The following REPS1 variants were observed in gnomAD, a reference collection of about 807,000 sequenced individuals.
REPS1 encodes the protein RALBP1 associated Eps domain containing 1.
REPS1 carries 39 observed loss-of-function variants against 100.9 expected under a neutral mutation model. The observed-to-expected ratio is 0.39, with a 90% CI of 0.30 to 0.50. The LOEUF (loss-of-function observed/expected upper bound fraction) is 0.50, where lower values mean the gene tolerates loss of function less well. Ranked by LOEUF, REPS1 falls within the 20% of genes least tolerant of loss-of-function variation. The pLI is 0.86. For synonymous variants in REPS1, 324 were observed against 340.3 expected, an observed-to-expected ratio of 0.95 and a Z score of 0.53; for missense variants, 821 against 968.5, an observed-to-expected ratio of 0.85 and a Z score of 2.02.
intron 1 of REPS1, among the ~76,000 whole-genome samples, chr6:138,950,048 A>G (rs1281785259): frequency 2.0e-5 from 3 of 152,228 alleles, no homozygotes; most frequent in Non-Finnish European, 4.4e-5. Context: ...TGCTAGACTT[A>G]GAAAAAAGGT....
chr6:138,964,034 C>G (rs1408103384), intron 1 of REPS1, among the ~76,000 whole-genome samples: 1 of 152,164 alleles, frequency 6.6e-6, no homozygotes, highest in Non-Finnish European at 1.5e-5. Flanking sequence ...TATATTAGAG[C>G]AAATAGCTCA....
rs757836238 is a variant in REPS1, at chr6:138,941,459, T to C, written c.1011A>G (p.Ala337=). The change falls in exon 8 of 20, where the codon GCA becomes GCG. Residue 337 remains alanine, a synonymous_variant. Coordinates refer to ENST00000450536, the MANE Select transcript of REPS1 (RefSeq NM_001286611.2). ...WELSDFDKDG[A]LTLDEFCAAF... ...CAGCACAAAACTCATCCAGTGTCAA[T>C]GCACCATCTTTATCAAAGTCTGAGA... 2 of 1,614,010 alleles carry C rather than the reference T, an allele frequency of 1.2e-6. No individual in the cohort carries two copies. The highest frequency in any genetic ancestry group is 2.2e-5 in the South Asian group (2 of 91,072).
chr6:138,961,249 C>G (rs1317441331), intron 1 of REPS1, among the ~76,000 whole-genome samples: 1 of 152,112 alleles, frequency 6.6e-6, no homozygotes, highest in East Asian at 1.9e-4. Context: ...TTTTTTATTG[C>G]TACTCAAAGG....
chr6:138,943,398 C>A (rs1782392385), intron 7 of REPS1, 115 bp downstream of exon 7: 6 of 594,366 alleles, frequency 1.0e-5, no homozygotes, highest in African/African-American at 1.8e-5. Context: ...ATACTGAGTT[C>A]TTTGACAGCA....
chr6:138,930,955 A>G (rs923577017), intron 8 of REPS1, among the ~76,000 whole-genome samples: 6 of 152,212 alleles, frequency 3.9e-5, no homozygotes, highest in Non-Finnish European at 7.3e-5. Context: ...TTAATTTAAA[A>G]TAACTCTAAA....
At chr6:138,907,732 C>T in intron 18 of REPS1, 132 bp from the exon 19 acceptor site, 1 of 595,158 alleles carries the variant, frequency 1.7e-6, no homozygotes, top group Non-Finnish European at 3.0e-6. Context: ...CACAGCTCAA[C>T]CTCACTTGCT....
At chr6:138,961,130 T>A (rs1447021748) in intron 1 of REPS1, among the ~76,000 whole-genome samples, 1 of 152,198 alleles carries the variant, frequency 6.6e-6, no homozygotes, top group Non-Finnish European at 1.5e-5. Context: ...TTTAAGTACT[T>A]CTCAAGATAG....
chr6:138,923,021 G>C (rs1780880931), intron 10 of REPS1, among the ~76,000 whole-genome samples: 1 of 152,070 alleles, frequency 6.6e-6, no homozygotes, highest in Admixed American at 6.5e-5. Flanking sequence ...CTACACCACA[G>C]AGAATCTGGA....
intron 10 of REPS1, among the ~76,000 whole-genome samples, chr6:138,922,784 A>G (rs1780864283): frequency 6.6e-6 from 1 of 152,254 alleles, no homozygotes. Flanking sequence ...AATTAAGTTT[A>G]TAATTTAGTG....
intron 1 of REPS1, among the ~76,000 whole-genome samples, chr6:138,983,759 C>T (rs1243689241): frequency 6.6e-6 from 1 of 152,154 alleles, no homozygotes; most frequent in Non-Finnish European, 1.5e-5. Flanking sequence ...TCTCCCGTCC[C>T]TAAACACTTA....
At position 138,955,457 on chromosome 6, in the gene REPS1, A is replaced by AAGT. The variant is rs10689184; in HGVS notation, c.154-7545_154-7544insACT. Among the ~76,000 whole-genome samples the AAGT allele has an allele frequency of 3.8e-3, 347 of 90,736 alleles. 2 individuals carry two copies. The highest frequency in any genetic ancestry group is 0.012 in the African/African-American group (225 of 19,434). 59.5% of individuals were successfully genotyped at this position (90,736 alleles called of 152,430 possible). A position where few individuals can be genotyped will look rare whatever the true frequency, so the allele number is the denominator to read the frequency against. On this transcript the variant is annotated intron_variant, in intron 1 of 19. Transcript: ENST00000450536. ...TGTCTCTTTAAAAAAAAAAAAAAAA[A>AAGT]GTGTGTGTGTGTGTGTGTGTGTGTG...
chr6:138,921,482 G>A (rs2128445242), intron 10 of REPS1, among the ~76,000 whole-genome samples: 1 of 149,324 alleles, frequency 6.7e-6, no homozygotes, highest in East Asian at 2.0e-4. Context: ...GTGAAACCCT[G>A]TCTCTTCAAA....
At chr6:138,914,382 G>C (rs1780216267) in intron 15 of REPS1, among the ~76,000 whole-genome samples, 1 of 152,138 alleles carries the variant, frequency 6.6e-6, no homozygotes, top group South Asian at 2.1e-4. Flanking sequence ...CTGGTGAAGT[G>C]ATTTTGTGAG....
chr6:138,908,596 A>G (rs903106600), intron 18 of REPS1, 72 bp downstream of exon 18: 2 of 1,542,640 alleles, frequency 1.3e-6, no homozygotes, highest in Admixed American at 1.7e-5. Flanking sequence ...CGCCTGGGCC[A>G]GTTTGATTAC....
At chr6:138,942,737 C>T (rs1017088479) in intron 7 of REPS1, among the ~76,000 whole-genome samples, 6 of 152,034 alleles carry the variant, frequency 3.9e-5, no homozygotes, top group African/African-American at 1.2e-4. Context: ...CCACCACACC[C>T]AGTTTGTGTT....
intron 8 of REPS1, among the ~76,000 whole-genome samples, chr6:138,940,450 T>G (rs1203058785): frequency 6.6e-6 from 1 of 152,154 alleles, no homozygotes; most frequent in Non-Finnish European, 1.5e-5. Flanking sequence ...CTTTTTCTTT[T>G]TAAAGAAAGG....
At position 138,915,725 on chromosome 6, in the gene REPS1, G is replaced by A. The variant is rs905336037; in HGVS notation, c.1720+133C>T. On this transcript the variant is annotated intron_variant, in intron 14 of 19. Coordinates refer to ENST00000450536, the MANE Select transcript of REPS1 (RefSeq NM_001286611.2). Reference sequence around the variant, plus strand: ...GCCCCTCAAAGTGCTGGGATTACAGGCATGAGCAACCACACTCGACCAGAT... The same window carrying A: ...GCCCCTCAAAGTGCTGGGATTACAGACATGAGCAACCACACTCGACCAGAT... The A allele has an allele frequency of 9.1e-6, 6 of 660,152 alleles. No homozygotes were observed. The African/African-American group carries it at 1.1e-4, about 12-fold the overall frequency. 40.9% of individuals were successfully genotyped at this position (660,152 alleles called of 1,614,324 possible).
At chr6:138,923,452 G>A (rs974595880) in intron 10 of REPS1, among the ~76,000 whole-genome samples, 1 of 152,196 alleles carries the variant, frequency 6.6e-6, no homozygotes, top group Non-Finnish European at 1.5e-5. Context: ...GTATGTGTAT[G>A]TGTATATAAA....
At chr6:138,911,097 A>C in intron 17 of REPS1, 179 bp downstream of exon 17, 1 of 533,580 alleles carries the variant, frequency 1.9e-6, no homozygotes, top group Admixed American at 3.2e-5. Flanking sequence ...CATACTTAAC[A>C]TAGATTACAG....
Sources: allele counts gnomAD v4.1 joint callset (sites outside exome capture counted in the v4.1 genomes callset), GRCh38; gene constraint gnomAD v4.1.1; transcripts MANE v1.5; gene names NCBI Gene and HGNC (gene_info 2026-07-23, HGNC 2026-07-21).